CNTLN: variants seen among roughly 807,000 people sequenced by gnomAD.
CNTLN encodes the protein centlein.
A neutral mutation model predicts 180.0 loss-of-function variants in CNTLN; 212 were observed. The observed-to-expected ratio is 1.18, with a 90% CI of 1.05 to 1.32. CNTLN has a LOEUF of 1.32. Ranked by LOEUF, CNTLN falls within the 40% of genes most tolerant of loss-of-function variation. The pLI is 0.00. For missense variants in CNTLN, 2,095 were observed against 1,610.9 expected (o/e 1.30, Z -5.14); for synonymous variants, 722 against 563.1 (o/e 1.28, Z -3.99).
chr9:17,263,383 T>C (rs946340962), intron 5 of CNTLN, among the ~76,000 whole-genome samples: 1 of 151,130 alleles, frequency 6.6e-6, no homozygotes, highest in Non-Finnish European at 1.5e-5. Context: ...CATCATTTTT[T>C]ATGGCTGCAT....
intron 12 of CNTLN, among the ~76,000 whole-genome samples, chr9:17,358,908 T>G (rs1823069741): frequency 6.6e-6 from 1 of 152,146 alleles, no homozygotes; most frequent in Non-Finnish European, 1.5e-5. Context: ...TTAGATTGAT[T>G]ATAGTCTAAA....
At chr9:17,208,221 A>C (rs1486503310) in intron 2 of CNTLN, among the ~76,000 whole-genome samples, 2 of 152,188 alleles carry the variant, frequency 1.3e-5, no homozygotes, top group African/African-American at 4.8e-5. Flanking sequence ...ACATCAATTG[A>C]AATGATCATG....
At chr9:17,448,645 C>T (rs189003668) in intron 18 of CNTLN, 1 of 152,262 alleles carries the variant, frequency 6.6e-6, no homozygotes, top group Non-Finnish European at 1.5e-5. Context: ...ACAGATAATG[C>T]TGTTAACATC....
chr9:17,475,872 CAA>C lies in CNTLN; in HGVS notation c.3856-8406_3856-8405del, dbSNP rs67818691. ...TGGGTGACAGAGCAAGACTCTCTCTCAAAAAAAAAAAAAAAAAAGAAGATAGG... is the reference window on the plus strand; with the variant it reads ...TGGGTGACAGAGCAAGACTCTCTCTCAAAAAAAAAAAAAAAAGAAGATAGG... On this transcript the variant is annotated intron_variant, in intron 23 of 25. Transcript: ENST00000380647. Among the ~76,000 whole-genome samples, 1,060 of 117,186 alleles carry C rather than the reference CAA, an allele frequency of 9.0e-3. 40 individuals carry two copies. In the East Asian group the frequency reaches 0.14, roughly 16 times the overall value. The allele number at this position is 117,186 out of a possible 152,430, so 76.9% of individuals were successfully genotyped here. A position where few individuals can be genotyped will look rare whatever the true frequency, so the allele number is the denominator to read the frequency against.
intron 7 of CNTLN, chr9:17,301,327 C>T (rs1818332122): frequency 1.0e-6 from 1 of 985,218 alleles, no homozygotes; most frequent in African/African-American, 1.7e-5. Flanking sequence ...TTATGTTTAT[C>T]CCTTCCAAGA....
At chr9:17,227,501 G>A (rs552803096) in intron 3 of CNTLN, among the ~76,000 whole-genome samples, 1 of 152,010 alleles carries the variant, frequency 6.6e-6, no homozygotes, top group South Asian at 2.1e-4. Context: ...TTATACTCAA[G>A]CTCATTACGG....
At chr9:17,211,839 T>C (rs1325862303) in intron 2 of CNTLN, among the ~76,000 whole-genome samples, 1 of 152,172 alleles carries the variant, frequency 6.6e-6, no homozygotes, top group African/African-American at 2.4e-5. Flanking sequence ...AGTTCACTCA[T>C]GATTTGGCTC....
intron 2 of CNTLN, among the ~76,000 whole-genome samples, chr9:17,157,950 TATTA>T (rs1819414139): frequency 6.6e-6 from 1 of 152,164 alleles, no homozygotes; most frequent in African/African-American, 2.4e-5. Flanking sequence ...CATTAAAAAA[TATTA>T]ATTAAAACTA....
chr9:17,273,154 T>G (rs1160119404), intron 5 of CNTLN, among the ~76,000 whole-genome samples: 1 of 139,906 alleles, frequency 7.1e-6, no homozygotes, highest in Non-Finnish European at 1.5e-5. Context: ...TTAAAACACC[T>G]AATTTTAAAA....
intron 12 of CNTLN, among the ~76,000 whole-genome samples, chr9:17,364,411 GTTATTA>G (rs909999139): frequency 1.3e-5 from 2 of 151,766 alleles, no homozygotes; most frequent in African/African-American, 4.8e-5. Flanking sequence ...CTGGTATTAT[GTTATTA>G]TTATTAATTT....
intron 3 of CNTLN, among the ~76,000 whole-genome samples, chr9:17,226,786 G>T (rs995894719): frequency 6.6e-6 from 1 of 151,910 alleles, no homozygotes; most frequent in Non-Finnish European, 1.5e-5. Flanking sequence ...GACAGTACAG[G>T]ATGCATAGCA....
chr9:17,387,180 T>G (rs549841373), intron 13 of CNTLN, among the ~76,000 whole-genome samples: 42 of 152,320 alleles, frequency 2.8e-4, no homozygotes, highest in Middle Eastern at 3.4e-3. Context: ...GGATTTCTAC[T>G]CTACAGAGAA....
rs761635188 is a variant in CNTLN, at chr9:17,388,120, C to T, written c.1988-42C>T. 3.2e-6 allele frequency: 4 copies of T among 1,242,058 alleles called. No homozygotes were observed. In the South Asian group the frequency reaches 4.3e-5, roughly 13 times the overall value. The allele number at this position is 1,242,058 out of a possible 1,614,324, so 76.9% of individuals were successfully genotyped here. A position where few individuals can be genotyped will look rare whatever the true frequency, so the allele number is the denominator to read the frequency against. Reference sequence around the variant, plus strand: ...TTAAAATGACAGGACAGTATTTCAGCAGTACACGTGGTATCATAATATATT... The same window carrying T: ...TTAAAATGACAGGACAGTATTTCAGTAGTACACGTGGTATCATAATATATT... On this transcript the variant is annotated intron_variant, in intron 13 of 25. Transcript: ENST00000380647.
Position 17,208,217 on chromosome 9 carries a change from A to G in CNTLN, c.450-17986A>G, listed in dbSNP as rs182889146. On this transcript the variant is annotated intron_variant, in intron 2 of 25. Transcript: ENST00000380647. ...TGAACTGCTTTTTCACGTGACATCA[A>G]TTGAAATGATCATGTGGTTTTTGTG... Among the ~76,000 whole-genome samples, 18 of 152,310 alleles carry G rather than the reference A, an allele frequency of 1.2e-4. No homozygotes were observed. In the East Asian group the frequency reaches 2.3e-3, roughly 20 times the overall value.
At chr9:17,429,842 A>T (rs1185649149) in intron 18 of CNTLN, among the ~76,000 whole-genome samples, 1 of 151,976 alleles carries the variant, frequency 6.6e-6, no homozygotes, top group Non-Finnish European at 1.5e-5. Flanking sequence ...ATTTTTTCAA[A>T]ATTATATTAA....
chr9:17,135,505 G>C lies in CNTLN; in HGVS notation c.360+80G>C. 3 of 1,482,172 alleles carry C rather than the reference G, an allele frequency of 2.0e-6. No homozygotes were observed. The Admixed American group carries it at 6.6e-5, about 33-fold the overall frequency. 91.8% of individuals were successfully genotyped at this position (1,482,172 alleles called of 1,614,324 possible). On this transcript the variant is annotated intron_variant, in intron 1 of 25. Coordinates refer to ENST00000380647, the MANE Select transcript of CNTLN (RefSeq NM_017738.4). Reference sequence around the variant, plus strand: ...TGGGGAGGCGCGCCTTTCTCCCTCTGCCTTGGGACCTACCCCGCCCAGCGA... The same window carrying C: ...TGGGGAGGCGCGCCTTTCTCCCTCTCCCTTGGGACCTACCCCGCCCAGCGA...
chr9:17,266,035 T>C (rs1827409651), intron 5 of CNTLN, among the ~76,000 whole-genome samples: 1 of 152,200 alleles, frequency 6.6e-6, no homozygotes, highest in Admixed American at 6.5e-5. Context: ...TGTTTCTATT[T>C]CCTTCAGTTC....
Position 17,435,718 on chromosome 9 carries a change from A to C in CNTLN, c.3114+19529A>C, listed in dbSNP as rs570446138. On this transcript the variant is annotated intron_variant, in intron 18 of 25. Transcript: ENST00000380647. Reference sequence around the variant, plus strand: ...ACTGGGATTACAGGTGCATGCCAACACGTCCGGCTAATTTTTGTATTTTTA... The same window carrying C: ...ACTGGGATTACAGGTGCATGCCAACCCGTCCGGCTAATTTTTGTATTTTTA... Among the ~76,000 whole-genome samples the C allele has an allele frequency of 1.7e-4, 26 of 152,212 alleles. No homozygotes were observed. The South Asian group carries it at 5.0e-3, about 29-fold the overall frequency.
In CNTLN at chr9:17,201,183, G is replaced by A. The variant is rs748484339; in HGVS notation, c.450-25020G>A. On this transcript the variant is annotated intron_variant, in intron 2 of 25. Coordinates refer to ENST00000380647, the MANE Select transcript of CNTLN (RefSeq NM_017738.4). ...AGCCTTGCATCCTATGGATGAAGCCGTCTTGATCGTGGTGGATAAGCTTTT... is the reference window on the plus strand; with the variant it reads ...AGCCTTGCATCCTATGGATGAAGCCATCTTGATCGTGGTGGATAAGCTTTT... Among the ~76,000 whole-genome samples, 11 of 152,300 alleles carry A rather than the reference G, an allele frequency of 7.2e-5. 1 individual carries two copies. In the South Asian group the frequency reaches 1.5e-3, roughly 20 times the overall value.
Sources: gnomAD v4.1 joint callset for allele counts (sites outside exome capture counted in the v4.1 genomes callset) on GRCh38, gnomAD v4.1.1 for gene constraint, MANE v1.5 for transcripts, NCBI Gene and HGNC (gene_info 2026-07-23, HGNC 2026-07-21) for gene names.